Variants in BCAT1 observed in about 807,000 individuals in gnomAD.
BCAT1 encodes branched chain amino acid transaminase 1, also known as branched-chain-amino-acid aminotransferase, cytosolic.
BCAT1 carries 48 observed loss-of-function variants against 52.4 expected under a neutral mutation model. The observed-to-expected ratio is 0.92, with a 90% confidence interval of 0.73 to 1.16. The LOEUF (loss-of-function observed/expected upper bound fraction) is 1.16, where lower values mean the gene tolerates loss of function less well. BCAT1 is among the 50% of genes most tolerant of loss of function. BCAT1 has a pLI of 0.00. For missense variants in BCAT1, 451 were observed against 457.1 expected (o/e 0.99, Z 0.12); for synonymous variants, 167 against 161.3 (o/e 1.04, Z -0.27).
At position 24,813,303 on chromosome 12, in the gene BCAT1, T is replaced by C. The variant is rs1939750885; in HGVS notation, c.*4705A>G. ...CCACCTTTGAATCTTTAAAAGGGGTTTGTGGTAATGATAAAAAATTTATCT... is the reference window on the plus strand; with the variant it reads ...CCACCTTTGAATCTTTAAAAGGGGTCTGTGGTAATGATAAAAAATTTATCT... On this transcript the variant is annotated 3_prime_UTR_variant, in exon 11 of 11. Coordinates refer to ENST00000261192, the MANE Select transcript of BCAT1 (RefSeq NM_005504.7). 1 of 152,032 alleles carries C rather than the reference T, an allele frequency of 6.6e-6. No individual in the cohort carries two copies. The highest frequency in any genetic ancestry group is 2.1e-4 in the South Asian group (1 of 4,826). The allele number at this position is 152,032 out of a possible 1,614,324, so 9.4% of individuals were successfully genotyped here.
rs553551440 is a variant in BCAT1 at position 24,882,600 on chromosome 12, T to TA, written c.280-1190_280-1189insT. Among the ~76,000 whole-genome samples, 426 of 151,662 alleles carry TA rather than the reference T, an allele frequency of 2.8e-3. 3 individuals carry two copies. Among genetic ancestry groups the TA allele is most frequent in the African/African-American group, 9.2e-3 (383 of 41,408 alleles). ...AATACTTTATTTTTTATTATTTATT[T>TA]TTTTTTTTTGAGACAGAGTTGTTTT... On this transcript the variant is annotated intron_variant, in intron 3 of 10. Coordinates refer to ENST00000261192, the MANE Select transcript of BCAT1 (RefSeq NM_005504.7).
intron 6 of BCAT1, among the ~76,000 whole-genome samples, chr12:24,848,633 TATATGGTATGC>T (rs1941413119): frequency 2.0e-5 from 3 of 152,220 alleles, no homozygotes; most frequent in Admixed American, 2.0e-4. Flanking sequence ...ATATGGTATA[TATATGGTATGC>T]AGTGGTACAT....
chr12:24,885,854 T>C (rs61912174), intron 3 of BCAT1, among the ~76,000 whole-genome samples: 35,077 of 151,954 alleles, frequency 0.23, 4,376 homozygotes, highest in East Asian at 0.38. Flanking sequence ...AATTGGGCCC[T>C]TACTTCATAC....
At chr12:24,839,289 C>T (rs1941099661) in intron 7 of BCAT1, among the ~76,000 whole-genome samples, 1 of 152,140 alleles carries the variant, frequency 6.6e-6, no homozygotes, top group Admixed American at 6.5e-5. Context: ...AAAGAGCAAG[C>T]GGTACAGACA....
chr12:24,942,806 A>C (rs1943868792), intron 1 of BCAT1, among the ~76,000 whole-genome samples: 2 of 152,246 alleles, frequency 1.3e-5, no homozygotes, highest in Non-Finnish European at 2.9e-5. Context: ...AGATCGAAGA[A>C]ATTAGGGTGC....
chr12:24,902,212 TC>T (rs1265594463), intron 1 of BCAT1: 2 of 1,425,388 alleles, frequency 1.4e-6, no homozygotes, highest in East Asian at 5.0e-5. Flanking sequence ...CTCCCTTATA[TC>T]CGAGCAAATA....
chr12:24,901,154 T>G (rs934049696), intron 2 of BCAT1, among the ~76,000 whole-genome samples: 1 of 152,192 alleles, frequency 6.6e-6, no homozygotes, highest in African/African-American at 2.4e-5. Flanking sequence ...CTTCCCTCTC[T>G]GAACCGCCAG....
At chr12:24,937,359 G>A (rs543489091) in intron 1 of BCAT1, among the ~76,000 whole-genome samples, 3 of 152,238 alleles carry the variant, frequency 2.0e-5, no homozygotes, top group East Asian at 1.9e-4. Flanking sequence ...AGGTGGAAAC[G>A]GCAAAACAAG....
chr12:24,914,708 A>G (rs1943380934), intron 1 of BCAT1, among the ~76,000 whole-genome samples: 2 of 152,222 alleles, frequency 1.3e-5, no homozygotes, highest in South Asian at 4.1e-4. Flanking sequence ...TAATCCATAC[A>G]TCAGCTGACA....
At chr12:24,918,357 T>C (rs553809023) in intron 1 of BCAT1, among the ~76,000 whole-genome samples, 89 of 152,298 alleles carry the variant, frequency 5.8e-4, no homozygotes, top group African/African-American at 2.0e-3. Flanking sequence ...CCTAGGCTCA[T>C]AGAGGACCCA....
chr12:24,867,500 T>C (rs1942058546), intron 5 of BCAT1, among the ~76,000 whole-genome samples: 1 of 152,158 alleles, frequency 6.6e-6, no homozygotes, highest in Non-Finnish European at 1.5e-5. Flanking sequence ...TGGTGACACA[T>C]GTTGAGTGTG....
chr12:24,887,911 T>C (rs1281192120), intron 3 of BCAT1, among the ~76,000 whole-genome samples: 2 of 152,186 alleles, frequency 1.3e-5, no homozygotes, highest in African/African-American at 4.8e-5. Flanking sequence ...AAACCACATG[T>C]AGTTGGAGCT....
chr12:24,926,424 C>A (rs1472860216), intron 1 of BCAT1, among the ~76,000 whole-genome samples: 1 of 151,972 alleles, frequency 6.6e-6, no homozygotes, highest in Admixed American at 6.6e-5. Context: ...AAGTGAGGAG[C>A]CCCTCTGCCC....
intron 1 of BCAT1, among the ~76,000 whole-genome samples, chr12:24,922,741 G>A (rs998993156): frequency 2.0e-5 from 3 of 151,854 alleles, no homozygotes; most frequent in South Asian, 2.1e-4. Flanking sequence ...GTGGCAGCGC[G>A]CGCCTGTAGT....
intron 4 of BCAT1, among the ~76,000 whole-genome samples, chr12:24,879,327 T>C (rs1461814295): frequency 6.6e-6 from 1 of 152,088 alleles, no homozygotes; most frequent in South Asian, 2.1e-4. Flanking sequence ...AATGAAGAGA[T>C]AGATAACCCA....
intron 3 of BCAT1, among the ~76,000 whole-genome samples, chr12:24,887,111 A>ATATATATATATATATATATAT (rs1942702628): frequency 6.3e-5 from 8 of 127,208 alleles, no homozygotes; most frequent in South Asian, 2.6e-4. Flanking sequence ...ATATATATAT[A>ATATATATATATATATATATAT]AAGCTGATAA....
chr12:24,828,311 C>T (rs1299049608), intron 10 of BCAT1, among the ~76,000 whole-genome samples: 1 of 152,176 alleles, frequency 6.6e-6, no homozygotes, highest in Non-Finnish European at 1.5e-5. Flanking sequence ...AATCTCTTTT[C>T]TGAGTAGCCC....
chr12:24,942,508 C>A (rs1228591805), intron 1 of BCAT1, among the ~76,000 whole-genome samples: 1 of 149,972 alleles, frequency 6.7e-6, no homozygotes, highest in Non-Finnish European at 1.5e-5. Flanking sequence ...CACACCACTG[C>A]ACTCCAGCGT....
chr12:24,868,657 A>G (rs945732523), intron 5 of BCAT1, among the ~76,000 whole-genome samples: 1 of 152,262 alleles, frequency 6.6e-6, no homozygotes, highest in Non-Finnish European at 1.5e-5. Flanking sequence ...ATTTCATTTA[A>G]ATGAAAAAAA....
Sources: gnomAD v4.1 joint callset for allele counts (sites outside exome capture counted in the v4.1 genomes callset) on GRCh38, gnomAD v4.1.1 for gene constraint, MANE v1.5 for transcripts, NCBI Gene and HGNC (gene_info 2026-07-23, HGNC 2026-07-21) for gene names.